STX5: variants seen among roughly 807,000 people sequenced by gnomAD.
The protein encoded by STX5 is syntaxin 5.
In STX5, 15 loss-of-function variants were observed where a neutral mutation model predicts 42.9. That is an observed-to-expected ratio of 0.35 (90% confidence interval 0.23 to 0.54). The LOEUF (loss-of-function observed/expected upper bound fraction) is 0.54, where lower values mean the gene tolerates loss of function less well. STX5 is among the 20% of genes least tolerant of loss of function. The pLI, the probability that STX5 is intolerant of heterozygous loss-of-function variation, is 0.91. For missense variants in STX5, 430 were observed against 455.0 expected (o/e 0.95, Z 0.50); for synonymous variants, 184 against 173.2 (o/e 1.06, Z -0.49).
chr11:62,827,719 C>G, intron 2 of STX5, 88 bp from the exon 3 acceptor site: 1 of 1,348,522 alleles, frequency 7.4e-7, no homozygotes, highest in Non-Finnish European at 1.1e-6. Flanking sequence ...ACTAACCTAT[C>G]TCTAGTGCTG....
intron 10 of STX5, 176 bp downstream of exon 10, chr11:62,823,990 G>A: frequency 2.1e-6 from 2 of 948,804 alleles, no homozygotes; most frequent in Non-Finnish European, 3.2e-6. Context: ...TGCCTCACAT[G>A]AACAGGTGCT....
intron 10 of STX5, among the ~76,000 whole-genome samples, chr11:62,817,340 A>G (rs375596479): frequency 7.2e-5 from 11 of 152,244 alleles, no homozygotes; most frequent in East Asian, 1.9e-4. Context: ...CTATTTCTCA[A>G]TCCTCGAGGT....
intron 1 of STX5, 85 bp downstream of exon 1, chr11:62,831,869 C>A: frequency 2.2e-6 from 1 of 456,664 alleles, no homozygotes; most frequent in Non-Finnish European, 4.4e-6. Flanking sequence ...CCCTGATTCC[C>A]TTCCCCCCGC....
intron 10 of STX5, among the ~76,000 whole-genome samples, chr11:62,810,090 CAA>C (rs2084599850): frequency 1.9e-5 from 2 of 106,402 alleles, no homozygotes; most frequent in South Asian, 6.0e-4. Flanking sequence ...GGTGACAGAG[CAA>C]GACTCCATCT....
rs1409458008 is a variant in STX5, at chr11:62,824,491, T to C, written c.754A>G (p.Thr252Ala). Residue 252 changes from threonine to alanine, a missense_variant, in exon 9 of 11, where the codon ACC becomes GCC. Coordinates refer to ENST00000294179, the MANE Select transcript of STX5 (RefSeq NM_003164.5). ...DVAIDMMDSRTSQQLQLIDEQ... is the reference protein window; with the variant it reads ...DVAIDMMDSRASQQLQLIDEQ... The stretch of plus-strand genomic sequence containing the variant: ...TCAATGAGCTGCAGCTGCTGGCTGG[T>C]CCGAGAGTCCATCATGTCGATGGCG... The C allele has an allele frequency of 6.2e-7, 1 of 1,614,048 alleles. No homozygotes were observed. The highest frequency in any genetic ancestry group is 1.3e-5 in the African/African-American group (1 of 74,914).
intron 10 of STX5, among the ~76,000 whole-genome samples, chr11:62,812,074 T>G (rs909746135): frequency 2.6e-5 from 2 of 75,796 alleles, no homozygotes; most frequent in African/African-American, 8.2e-5. Flanking sequence ...CTCAAATACC[T>G]TTTTTTTTTT....
At chr11:62,827,746 G>T (rs1200883800) in intron 2 of STX5, 115 bp from the exon 3 acceptor site, 1 of 1,085,706 alleles carries the variant, frequency 9.2e-7, no homozygotes, top group Non-Finnish European at 1.4e-6. Flanking sequence ...TCCATCAGAT[G>T]ATCTAGATTT....
chr11:62,821,496 G>A (rs2084739883), intron 10 of STX5, among the ~76,000 whole-genome samples: 1 of 152,014 alleles, frequency 6.6e-6, no homozygotes, highest in Admixed American at 6.6e-5. Flanking sequence ...AGGCCGAAGT[G>A]GGCGGATTGC....
At chr11:62,808,999 C>T (rs2084584797) in intron 10 of STX5, among the ~76,000 whole-genome samples, 2 of 151,946 alleles carry the variant, frequency 1.3e-5, no homozygotes, top group Admixed American at 1.3e-4. Context: ...TTTTAAATAT[C>T]AAATGGGGGC....
chr11:62,830,555 AAAC>A (rs1372169094), intron 2 of STX5: 1 of 457,978 alleles, frequency 2.2e-6, no homozygotes, highest in Admixed American at 2.4e-5. Flanking sequence ...TCTCAAAACA[AAAC>A]AAAAACAACA....
At chr11:62,824,013 G>A (rs747159175) in intron 10 of STX5, 153 bp downstream of exon 10, 4 of 1,258,740 alleles carry the variant, frequency 3.2e-6, no homozygotes, top group Non-Finnish European at 4.4e-6. Context: ...ATAAAAACTT[G>A]TTGGGTGGAT....
chr11:62,824,064 C>T (rs2084766964), intron 10 of STX5, 102 bp downstream of exon 10: 1 of 1,565,584 alleles, frequency 6.4e-7, no homozygotes, highest in Non-Finnish European at 8.7e-7. Flanking sequence ...GCAGAATTCA[C>T]TCTATCTTCC....
chr11:62,815,916 T>C (rs1462201974), intron 10 of STX5: 2 of 152,104 alleles, frequency 1.3e-5, no homozygotes, highest in Non-Finnish European at 2.9e-5. Flanking sequence ...TATAAATAAA[T>C]TGCGTGTCTT....
intron 10 of STX5, among the ~76,000 whole-genome samples, chr11:62,810,259 T>C (rs575716168): frequency 6.9e-4 from 105 of 152,038 alleles, no homozygotes; most frequent in African/African-American, 2.5e-3. Context: ...CTGGGGAATA[T>C]AGGAGACTCT....
At chr11:62,812,073 C>CTTTTTT (rs1192177705) in intron 10 of STX5, among the ~76,000 whole-genome samples, 1 of 113,790 alleles carries the variant, frequency 8.8e-6, no homozygotes, top group African/African-American at 3.2e-5. Context: ...ACTCAAATAC[C>CTTTTTT]TTTTTTTTTT....
intron 10 of STX5, chr11:62,807,933 A>G: frequency 2.7e-6 from 1 of 371,616 alleles, no homozygotes; most frequent in Non-Finnish European, 4.9e-6. Context: ...TCAATGAGTT[A>G]GTATAAAGTC....
chr11:62,812,853 C>A (rs1037937916), intron 10 of STX5, among the ~76,000 whole-genome samples: 3 of 151,844 alleles, frequency 2.0e-5, no homozygotes, highest in Admixed American at 2.0e-4. Flanking sequence ...TGGCTCACGC[C>A]TGTAATCCCA....
chr11:62,813,328 C>T (rs539711184), intron 10 of STX5, among the ~76,000 whole-genome samples: 1 of 152,256 alleles, frequency 6.6e-6, no homozygotes, highest in East Asian at 1.9e-4. Context: ...ATCAAGACAG[C>T]TGTACTCACG....
chr11:62,824,590 A>G, intron 8 of STX5, 25 bp from the exon 9 acceptor site: 1 of 1,606,520 alleles, frequency 6.2e-7, no homozygotes, highest in Non-Finnish European at 8.5e-7. Flanking sequence ...AGGATGTGGC[A>G]CACCTTAACA....
Sources: gnomAD v4.1 joint callset for allele counts (sites outside exome capture counted in the v4.1 genomes callset) on GRCh38, gnomAD v4.1.1 for gene constraint, MANE v1.5 for transcripts, NCBI Gene and HGNC (gene_info 2026-07-23, HGNC 2026-07-21) for gene names.